Variants in ATXN1 observed in about 807,000 individuals in gnomAD.
ATXN1 encodes the protein ataxin 1.
Under a neutral mutation model 56.4 loss-of-function variants are expected in ATXN1, and 8 were observed. That is an observed-to-expected ratio of 0.14 (90% CI 0.08 to 0.26). The LOEUF (loss-of-function observed/expected upper bound fraction) is 0.26. Ranked by LOEUF, ATXN1 falls within the 10% of genes least tolerant of loss-of-function variation. The pLI is 1.00. For missense variants in ATXN1, 987 were observed against 1,106.5 expected (o/e 0.89, Z 1.53); for synonymous variants, 514 against 494.6 (o/e 1.04, Z -0.52).
intron 3 of ATXN1, among the ~76,000 whole-genome samples, chr6:16,620,443 T>C (rs1763299504): frequency 6.6e-6 from 1 of 152,040 alleles, no homozygotes; most frequent in Non-Finnish European, 1.5e-5. Context: ...ACATCTCTGG[T>C]TGTTTCCTTA....
intron 6 of ATXN1, among the ~76,000 whole-genome samples, chr6:16,457,450 C>T (rs1759900306): frequency 6.6e-6 from 1 of 151,772 alleles, no homozygotes; most frequent in African/African-American, 2.4e-5. Context: ...CATCAACAAG[C>T]TCACCCTTGA....
intron 6 of ATXN1, among the ~76,000 whole-genome samples, chr6:16,359,580 C>A (rs1175086465): frequency 6.6e-6 from 1 of 152,128 alleles, no homozygotes; most frequent in African/African-American, 2.4e-5. Context: ...GACTTGCCTG[C>A]AGAGAGGAGC....
At position 16,640,324 on chromosome 6, in the gene ATXN1, G is replaced by C. The variant is rs1488063234; in HGVS notation, c.-489+17452C>G. The stretch of plus-strand genomic sequence containing the variant: ...AATCAGTAAATGTCATGTGTGTTCT[G>C]ACTGCTACAAAGACTGGCTGTTCTC... On this transcript the variant is annotated intron_variant, in intron 3 of 7. Transcript: ENST00000436367. Among the ~76,000 whole-genome samples, 7 of 152,160 alleles carry C rather than the reference G, an allele frequency of 4.6e-5. No homozygotes were observed. In the South Asian group the frequency reaches 8.3e-4, roughly 18 times the overall value.
At chr6:16,532,563 T>C (rs1222527241) in intron 4 of ATXN1, among the ~76,000 whole-genome samples, 2 of 152,156 alleles carry the variant, frequency 1.3e-5, no homozygotes, top group African/African-American at 2.4e-5. Context: ...AGGACTTGAA[T>C]TGACATTTCT....
intron 3 of ATXN1, chr6:16,615,875 A>C (rs1053707729): frequency 2.0e-5 from 3 of 151,824 alleles, no homozygotes; most frequent in African/African-American, 7.3e-5. Flanking sequence ...TCTACTAAAA[A>C]TACAAAAATT....
chr6:16,433,618 A>G (rs2113585420), intron 6 of ATXN1, among the ~76,000 whole-genome samples: 1 of 152,348 alleles, frequency 6.6e-6, no homozygotes. Flanking sequence ...CATTGTCTTG[A>G]TGGAATTCAG....
At chr6:16,591,795 T>G (rs1032216178) in intron 3 of ATXN1, among the ~76,000 whole-genome samples, 2 of 152,202 alleles carry the variant, frequency 1.3e-5, no homozygotes, top group Non-Finnish European at 2.9e-5. Flanking sequence ...ACACACACTT[T>G]GATACTCTTA....
At chr6:16,408,389 C>T (rs537516914) in intron 6 of ATXN1, among the ~76,000 whole-genome samples, 1 of 152,178 alleles carries the variant, frequency 6.6e-6, no homozygotes, top group South Asian at 2.1e-4. Context: ...TGCTTTCACA[C>T]TGATTTCTCC....
intron 7 of ATXN1, among the ~76,000 whole-genome samples, chr6:16,318,626 C>A (rs1760569793): frequency 6.6e-6 from 1 of 152,244 alleles, no homozygotes; most frequent in South Asian, 2.1e-4. Context: ...ATTTAAAACA[C>A]TGAATCATGT....
At chr6:16,554,332 A>G (rs1761972960) in intron 4 of ATXN1, among the ~76,000 whole-genome samples, 1 of 152,262 alleles carries the variant, frequency 6.6e-6, no homozygotes, top group Non-Finnish European at 1.5e-5. Context: ...ATTTGTGGAA[A>G]ATATGGAAGA....
intron 2 of ATXN1, among the ~76,000 whole-genome samples, chr6:16,692,116 C>T (rs1011108196): frequency 1.3e-5 from 2 of 152,080 alleles, no homozygotes; most frequent in Non-Finnish European, 2.9e-5. Flanking sequence ...ATACACCGGG[C>T]GTGGTGGCAC....
intron 6 of ATXN1, among the ~76,000 whole-genome samples, chr6:16,446,919 T>C (rs1426903716): frequency 1.3e-5 from 2 of 152,220 alleles, no homozygotes; most frequent in Non-Finnish European, 2.9e-5. Context: ...ACATGCTTGG[T>C]GACAGAGAAG....
intron 3 of ATXN1, among the ~76,000 whole-genome samples, chr6:16,630,879 T>C (rs1251886189): frequency 6.6e-6 from 1 of 152,218 alleles, no homozygotes; most frequent in African/African-American, 2.4e-5. Flanking sequence ...GGTTTCATTA[T>C]GTAAATGGCT....
intron 5 of ATXN1, among the ~76,000 whole-genome samples, chr6:16,518,507 T>G (rs1761228194): frequency 6.6e-6 from 1 of 152,140 alleles, no homozygotes; most frequent in Non-Finnish European, 1.5e-5. Flanking sequence ...AGGTGTCAAG[T>G]TAGCTCATTG....
Position 16,760,573 on chromosome 6 carries a change from G to A in ATXN1, c.-730+725C>T, listed in dbSNP as rs559234734. Among the ~76,000 whole-genome samples, 8 of 150,276 alleles carry A rather than the reference G, an allele frequency of 5.3e-5. No homozygotes were observed. The highest frequency in any genetic ancestry group is 1.9e-4 in the African/African-American group (8 of 41,098). On this transcript the variant is annotated intron_variant, in intron 1 of 7. Transcript: ENST00000436367. This position sits in a 1 kb window ranked among gnomAD's most constrained non-coding sequence, Gnocchi z 5.3. ...CCGAGGCCACCCCTCTGCGCCCCCC[G>A]CCCGGCACCCGGCCGCGCGCAAAGT...
chr6:16,540,616 C>T (rs1172046109), intron 4 of ATXN1, among the ~76,000 whole-genome samples: 2 of 152,172 alleles, frequency 1.3e-5, no homozygotes, highest in East Asian at 1.9e-4. Flanking sequence ...TGCCTGAAGT[C>T]ACACTGATAA....
Position 16,430,610 on chromosome 6 carries a change from T to G in ATXN1, c.-161+55362A>C, listed in dbSNP as rs555370725. 1.5e-3 allele frequency among the ~76,000 whole-genome samples: 228 copies of G among 152,342 alleles called. 1 individual carries two copies. The Middle Eastern group carries it at 0.034, about 23-fold the overall frequency. The stretch of plus-strand genomic sequence containing the variant: ...AGAAAGCTTTTTCCCCTTCCATTTT[T>G]GGGAAAGATGCAACTGACTGTGTAA... On this transcript the variant is annotated intron_variant, in intron 6 of 7. Coordinates refer to ENST00000436367, the MANE Select transcript of ATXN1 (RefSeq NM_001128164.2).
intron 5 of ATXN1, among the ~76,000 whole-genome samples, chr6:16,497,018 T>C (rs759960047): frequency 6.6e-6 from 1 of 152,192 alleles, no homozygotes; most frequent in East Asian, 1.9e-4. Context: ...CTTAATTGTT[T>C]TGTCGAATAA....
intron 2 of ATXN1, among the ~76,000 whole-genome samples, chr6:16,699,335 T>C (rs994306505): frequency 2.6e-5 from 4 of 152,202 alleles, no homozygotes; most frequent in African/African-American, 9.7e-5. Context: ...ATTGAGTAAC[T>C]ATGTCCCTGT....
Sources: allele counts gnomAD v4.1 joint callset (sites outside exome capture counted in the v4.1 genomes callset), GRCh38; gene constraint gnomAD v4.1.1; non-coding constraint Gnocchi (gnomAD v3.1); transcripts MANE v1.5; gene names NCBI Gene and HGNC (gene_info 2026-07-23, HGNC 2026-07-21).